CHRM3: variants seen among roughly 807,000 people sequenced by gnomAD.
CHRM3 encodes cholinergic receptor muscarinic 3.
Under a neutral mutation model 41.8 loss-of-function variants are expected in CHRM3, and 11 were observed. The observed-to-expected ratio is 0.26, with a 90% confidence interval of 0.17 to 0.44. The LOEUF is 0.44. CHRM3 is among the 20% of genes least tolerant of loss of function. The probability of loss-of-function intolerance (pLI) is 1.00; values close to 1 mark genes in which losing one functional copy is unlikely to be tolerated. For synonymous variants in CHRM3, 297 were observed against 301.4 expected (o/e 0.99, Z 0.15); for missense variants, 571 against 745.4 (o/e 0.77, Z 2.72).
chr1:239,863,988 A>G (rs1203916493), intron 6 of CHRM3, among the ~76,000 whole-genome samples: 7 of 152,122 alleles, frequency 4.6e-5, no homozygotes, highest in Admixed American at 2.6e-4. Flanking sequence ...ATAAAATTCA[A>G]TGTACTAAAA....
At chr1:239,614,492 T>A (rs887386290) in intron 3 of CHRM3, among the ~76,000 whole-genome samples, 1 of 152,204 alleles carries the variant, frequency 6.6e-6, no homozygotes, top group African/African-American at 2.4e-5. Flanking sequence ...ATGGCACATA[T>A]AATATGAAAT....
chr1:239,600,113 C>T (rs957930816), intron 3 of CHRM3, among the ~76,000 whole-genome samples: 3 of 152,190 alleles, frequency 2.0e-5, no homozygotes, highest in African/African-American at 7.2e-5. Context: ...CCATCTTCTT[C>T]ACATCCAGTT....
intron 1 of CHRM3, among the ~76,000 whole-genome samples, chr1:239,402,371 A>G (rs1261034208): frequency 2.0e-5 from 3 of 151,856 alleles, no homozygotes; most frequent in Non-Finnish European, 2.9e-5. Flanking sequence ...TCTCACTACT[A>G]CCTCCTTGAT....
intron 4 of CHRM3, among the ~76,000 whole-genome samples, chr1:239,675,661 G>A (rs568645808): frequency 2.6e-5 from 4 of 152,228 alleles, no homozygotes; most frequent in African/African-American, 9.6e-5. Flanking sequence ...TATGTTATAA[G>A]GTATCAGAAA....
intron 5 of CHRM3, among the ~76,000 whole-genome samples, chr1:239,741,826 C>T (rs575746774): frequency 1.3e-5 from 2 of 152,124 alleles, no homozygotes; most frequent in Non-Finnish European, 1.5e-5. Context: ...ATGAGAGCTG[C>T]GGTGGATTAA....
At chr1:239,697,180 C>T (rs778914785) in intron 5 of CHRM3, among the ~76,000 whole-genome samples, 2 of 152,128 alleles carry the variant, frequency 1.3e-5, no homozygotes, top group Admixed American at 6.5e-5. Context: ...TGAATTCCCA[C>T]GTGTTGTGGG....
chr1:239,553,623 T>G (rs1003294904), intron 3 of CHRM3, among the ~76,000 whole-genome samples: 2 of 152,214 alleles, frequency 1.3e-5, no homozygotes, highest in African/African-American at 4.8e-5. Context: ...CAGTGGGGAC[T>G]AGGATTCTTG....
chr1:239,845,797 T>A (rs1180613214), intron 6 of CHRM3, among the ~76,000 whole-genome samples: 1 of 152,258 alleles, frequency 6.6e-6, no homozygotes, highest in Non-Finnish European at 1.5e-5. Flanking sequence ...ACCATTAATG[T>A]TTATGTATCA....
rs529730271 is a variant in CHRM3, at chr1:239,749,930, C to G, written c.-147+71642C>G. Among the ~76,000 whole-genome samples, 20 of 152,262 alleles carry G rather than the reference C, an allele frequency of 1.3e-4. No homozygotes were observed. In the South Asian group the frequency reaches 3.9e-3, roughly 30 times the overall value. ...TATAAGAAGCTGTGTGAATATTATA[C>G]AATAATAATACCACGGCTTTGAATC... is the stretch of plus-strand genomic sequence containing the variant. On this transcript the variant is annotated intron_variant, in intron 5 of 6. Coordinates refer to ENST00000676153, the MANE Select transcript of CHRM3 (RefSeq NM_001375978.1).
At chr1:239,906,096 C>T (rs1679950388) in intron 6 of CHRM3, among the ~76,000 whole-genome samples, 2 of 152,162 alleles carry the variant, frequency 1.3e-5, no homozygotes, top group Non-Finnish European at 2.9e-5. Flanking sequence ...TTCTCACCTC[C>T]AGTAAGTAGT....
intron 3 of CHRM3, among the ~76,000 whole-genome samples, chr1:239,586,411 G>C (rs1456128675): frequency 6.6e-6 from 1 of 152,020 alleles, no homozygotes; most frequent in South Asian, 2.1e-4. Context: ...TTTTTTTGCA[G>C]CATGGAAGTT....
intron 2 of CHRM3, among the ~76,000 whole-genome samples, chr1:239,534,232 A>G (rs1328835409): frequency 2.0e-5 from 3 of 152,214 alleles, no homozygotes; most frequent in Non-Finnish European, 4.4e-5. Context: ...GGAAACAGGC[A>G]CAAGAATTGC....
At chr1:239,691,838 TC>T (rs1269656426) in intron 5 of CHRM3, among the ~76,000 whole-genome samples, 3 of 152,144 alleles carry the variant, frequency 2.0e-5, no homozygotes, top group Non-Finnish European at 4.4e-5. Flanking sequence ...GCTTACAAGC[TC>T]CAAAGGACAC....
At chr1:239,849,320 T>C (rs1466064749) in intron 6 of CHRM3, among the ~76,000 whole-genome samples, 2 of 152,212 alleles carry the variant, frequency 1.3e-5, no homozygotes, top group Non-Finnish European at 2.9e-5. Flanking sequence ...TCAAGTATCA[T>C]TGTAGCACTG....
At chr1:239,596,268 C>T (rs1664762222) in intron 3 of CHRM3, among the ~76,000 whole-genome samples, 1 of 152,146 alleles carries the variant, frequency 6.6e-6, no homozygotes. Flanking sequence ...CTTTAGAAAC[C>T]TCCAACTCTG....
rs578211785 is a variant in CHRM3 at position 239,554,336 on chromosome 1, T to A, written c.-313+8587T>A. Among the ~76,000 whole-genome samples the A allele has an allele frequency of 6.6e-5, 10 of 152,226 alleles. No homozygotes were observed. The East Asian group carries it at 1.9e-3, about 29-fold the overall frequency. On this transcript the variant is annotated intron_variant, in intron 3 of 6. Transcript: ENST00000676153. Reference sequence around the variant, plus strand: ...TCAGCAAATATTTAGTGACCTCCTATGGTATAGCAGGCCCTGGGACTACAA... The same window carrying A: ...TCAGCAAATATTTAGTGACCTCCTAAGGTATAGCAGGCCCTGGGACTACAA...
intron 3 of CHRM3, among the ~76,000 whole-genome samples, chr1:239,587,857 T>G (rs1027333725): frequency 6.6e-6 from 1 of 152,212 alleles, no homozygotes; most frequent in Non-Finnish European, 1.5e-5. Flanking sequence ...TTTACTTAAA[T>G]TTTACAGATC....
chr1:239,648,652 A>T (rs527911992), intron 4 of CHRM3, among the ~76,000 whole-genome samples: 2 of 152,314 alleles, frequency 1.3e-5, no homozygotes, highest in South Asian at 2.1e-4. Context: ...GTTTCAAACA[A>T]TGATGTGGGG....
At chr1:239,509,251 T>C (rs960811903) in intron 2 of CHRM3, among the ~76,000 whole-genome samples, 5 of 152,210 alleles carry the variant, frequency 3.3e-5, no homozygotes, top group Admixed American at 6.5e-5. Context: ...CTTGTTACCC[T>C]CCCTTCTGGG....
Sources: allele counts gnomAD v4.1 joint callset (sites outside exome capture counted in the v4.1 genomes callset), GRCh38; gene constraint gnomAD v4.1.1; transcripts MANE v1.5; gene names NCBI Gene and HGNC (gene_info 2026-07-23, HGNC 2026-07-21).